The following COL21A1 variants were observed in gnomAD, a reference collection of about 807,000 sequenced individuals.
COL21A1 encodes the protein collagen type XXI alpha 1 chain, also known as collagen alpha-1(XXI) chain.
Under a neutral mutation model 137.9 loss-of-function variants are expected in COL21A1, and 149 were observed. The ratio of observed to expected loss-of-function variants is 1.08; its 90% CI spans 0.95 to 1.24. COL21A1 has a LOEUF of 1.24. Ranked by LOEUF, COL21A1 falls within the 50% of genes most tolerant of loss-of-function variation. The probability of loss-of-function intolerance (pLI) is 0.00; values close to 1 mark genes in which losing one functional copy is unlikely to be tolerated. For missense variants in COL21A1, 1,167 were observed against 1,158.4 expected (o/e 1.01, Z -0.11); for synonymous variants, 456 against 391.5 (o/e 1.16, Z -1.95).
At position 56,072,927 on chromosome 6, in the gene COL21A1, A is replaced by G. The variant is rs1766881994; in HGVS notation, c.1965+1305T>C. Among the ~76,000 whole-genome samples the G allele has an allele frequency of 2.0e-5, 3 of 151,568 alleles. No individual in the cohort carries two copies. In the South Asian group the frequency reaches 6.2e-4, roughly 31 times the overall value. On this transcript the variant is annotated intron_variant, in intron 20 of 29. Transcript: ENST00000244728. ...GATGCAGAAAACCAACTTTAGAGTA[A>G]TTCATGTAAAAATAAACAAACTGTG... is the stretch of plus-strand genomic sequence containing the variant.
At chr6:56,100,523 G>A (rs1484452106) in intron 17 of COL21A1, among the ~76,000 whole-genome samples, 1 of 152,092 alleles carries the variant, frequency 6.6e-6, no homozygotes, top group South Asian at 2.1e-4. Flanking sequence ...AAATGTAGCA[G>A]TAGTCATCTC....
Position 56,060,031 on chromosome 6 carries a change from G to C in COL21A1, c.2595C>G (p.Val865=). 1 of 1,595,524 alleles carries C rather than the reference G, an allele frequency of 6.3e-7. No homozygotes were observed. The highest frequency in any genetic ancestry group is 1.1e-5 in the South Asian group (1 of 87,324). The change falls in exon 28 of 30, where the codon GTC becomes GTG. Residue 865 remains valine (V), a synonymous_variant. Transcript: ENST00000244728. ...GLVGVPGRPG[V]RGLKGLPGRN... ...CTAACTGCATACCTTTTAATCCTCT[G>C]ACACCTGGACGTCCAGGGACACCCA...
At chr6:56,104,713 C>A (rs1371442394) in intron 16 of COL21A1, among the ~76,000 whole-genome samples, 2 of 152,110 alleles carry the variant, frequency 1.3e-5, no homozygotes, top group African/African-American at 2.4e-5. Flanking sequence ...ATTTCTCAAT[C>A]TAATTTCTAC....
intron 1 of COL21A1, among the ~76,000 whole-genome samples, chr6:56,328,342 C>A (rs1765145064): frequency 6.6e-6 from 1 of 152,048 alleles, no homozygotes; most frequent in Non-Finnish European, 1.5e-5. Context: ...CAACGCAGAA[C>A]AGCTTTCCCA....
At chr6:56,217,898 T>G (rs915898907) in intron 1 of COL21A1, among the ~76,000 whole-genome samples, 3 of 152,074 alleles carry the variant, frequency 2.0e-5, no homozygotes, top group Admixed American at 2.0e-4. Context: ...TCCTCCTGAT[T>G]GCTTAAGCAC....
At chr6:56,389,818 T>G (rs986600520) in intron 1 of COL21A1, among the ~76,000 whole-genome samples, 1 of 152,178 alleles carries the variant, frequency 6.6e-6, no homozygotes, top group African/African-American at 2.4e-5. Flanking sequence ...CAACCTATAA[T>G]ATTATATCAG....
intron 1 of COL21A1, among the ~76,000 whole-genome samples, chr6:56,266,751 A>C (rs7748223): frequency 0.025 from 3,761 of 152,036 alleles, 172 homozygotes; most frequent in African/African-American, 0.086. Context: ...GAGATGAATA[A>C]AGGATATTAA....
chr6:56,307,444 C>T (rs993964637), intron 1 of COL21A1, among the ~76,000 whole-genome samples: 6 of 152,186 alleles, frequency 3.9e-5, no homozygotes, highest in Non-Finnish European at 7.3e-5. Context: ...CCCCCAGCCT[C>T]GCTGCCGCCT....
At chr6:56,213,316 C>T (rs1413804399) in intron 1 of COL21A1, among the ~76,000 whole-genome samples, 1 of 152,002 alleles carries the variant, frequency 6.6e-6, no homozygotes, top group Non-Finnish European at 1.5e-5. Context: ...TTACATTATC[C>T]ATGATTACCC....
chr6:56,381,047 G>A (rs1365107684), intron 1 of COL21A1, among the ~76,000 whole-genome samples: 1 of 152,162 alleles, frequency 6.6e-6, no homozygotes, highest in South Asian at 2.1e-4. Flanking sequence ...AGGAGCAATA[G>A]TTCAGCAGTC....
At chr6:56,100,285 C>T (rs1325661832) in intron 17 of COL21A1, among the ~76,000 whole-genome samples, 8 of 152,086 alleles carry the variant, frequency 5.3e-5, no homozygotes, top group South Asian at 2.1e-4. Flanking sequence ...TGGCACAAAC[C>T]CTTGGTAAAA....
Position 56,060,961 on chromosome 6 carries a change from C to T in COL21A1, c.2282G>A (p.Gly761Glu). 6.2e-7 allele frequency: 1 copy of T among 1,607,902 alleles called. No individual in the cohort carries two copies. The highest frequency in any genetic ancestry group is 8.5e-7 in the Non-Finnish European group (1 of 1,177,578). Residue 761 changes from glycine to glutamate, a missense_variant, in exon 26 of 30, where the codon GGG (glycine) becomes GAG (glutamate). Transcript: ENST00000244728. ...AGGTTGCCCCTTAGGACCTGCGGGC[C>T]CCATCAAGCCATCCACCCCAGATTC... ...KGESGVDGLM[G>E]PAGPKGQPGD...
At position 56,141,796 on chromosome 6, in the gene COL21A1, C is replaced by T; in HGVS notation, c.1531G>A (p.Asp511Asn). Residue 511 changes from aspartate to asparagine, a missense_variant, in exon 12 of 30, where the codon GAT becomes AAT. Physicochemically the swap from Asp to Asn is conservative, Grantham distance 23. Transcript: ENST00000244728. ...LPGYKGEPGR[D>N]GDKGDRGLPG... ...TTGTGTGTGTTTACCTTGTCACCATCTCGCCCTGGTTCTCCTTTGTAACCT... is the reference window on the plus strand; with the variant it reads ...TTGTGTGTGTTTACCTTGTCACCATTTCGCCCTGGTTCTCCTTTGTAACCT... The T allele has an allele frequency of 6.2e-7, 1 of 1,613,702 alleles. No homozygotes were observed.
chr6:56,179,933 A>T lies in COL21A1; in HGVS notation c.285T>A (p.Asp95Glu). Residue 95 changes from aspartate (D) to glutamate (E), a missense_variant, in exon 3 of 30, where the codon GAT becomes GAA. Coordinates refer to ENST00000244728, the MANE Select transcript of COL21A1 (RefSeq NM_030820.4). ...PVLEIPLGSY[D>E]SGEHLTAAVE... is the part of the protein sequence containing the mutation. Reference sequence around the variant, plus strand: ...CTGCTGCCGTCAAATGTTCTCCTGAATCATAGCTTCCGAGAGGAATCTCCA... The same window carrying T: ...CTGCTGCCGTCAAATGTTCTCCTGATTCATAGCTTCCGAGAGGAATCTCCA... The T allele has an allele frequency of 6.2e-7, 1 of 1,613,896 alleles. No homozygotes were observed. The highest frequency in any genetic ancestry group is 8.5e-7 in the Non-Finnish European group (1 of 1,179,858).
intron 16 of COL21A1, among the ~76,000 whole-genome samples, chr6:56,111,321 C>T (rs1771414017): frequency 6.6e-6 from 1 of 151,998 alleles, no homozygotes; most frequent in Admixed American, 6.6e-5. Flanking sequence ...AATAGGAAGG[C>T]ATGACAAATA....
At chr6:56,270,305 A>G (rs1220000564) in intron 1 of COL21A1, among the ~76,000 whole-genome samples, 2 of 152,250 alleles carry the variant, frequency 1.3e-5, no homozygotes, top group East Asian at 1.9e-4. Context: ...ACTGACAACA[A>G]TTAATAAGGA....
In COL21A1 at chr6:56,170,785, A is replaced by C. The variant is rs1406381551; in HGVS notation, c.890T>G (p.Leu297Ter). Residue 297 changes from leucine to a stop codon, truncating the protein, a stop_gained, in exon 5 of 30, where the codon TTA (leucine) becomes TGA (stop). Transcript: ENST00000244728. LOFTEE classifies it high-confidence loss of function. ...QRFKVKKIWD[L>*]WRILTIDGRP... is the part of the protein sequence containing the mutation. ...TCCATCAATAGTTAATATTCTCCATAAATCCCAAATTTTCTTGACTTTAAA... is the reference window on the plus strand; with the variant it reads ...TCCATCAATAGTTAATATTCTCCATCAATCCCAAATTTTCTTGACTTTAAA... 2.5e-6 allele frequency: 4 copies of C among 1,609,232 alleles called. No homozygotes were observed. Among genetic ancestry groups the C allele is most frequent in the Non-Finnish European group, 3.4e-6 (4 of 1,176,968 alleles).
At chr6:56,149,840 C>A (rs907439554) in intron 10 of COL21A1, among the ~76,000 whole-genome samples, 10 of 152,196 alleles carry the variant, frequency 6.6e-5, no homozygotes, top group African/African-American at 2.4e-4. Context: ...CTCCTGACTT[C>A]TCCTTCTGTG....
chr6:56,193,770 T>G (rs4989962), intron 1 of COL21A1, among the ~76,000 whole-genome samples: 84,480 of 149,988 alleles, frequency 0.56, 23,878 homozygotes, highest in East Asian at 0.77. Flanking sequence ...GTTTTTTTTT[T>G]TTTTTGAGAA....
Sources: gnomAD v4.1 joint callset for allele counts (sites outside exome capture counted in the v4.1 genomes callset) on GRCh38, gnomAD v4.1.1 for gene constraint, MANE v1.5 for transcripts, NCBI Gene and HGNC (gene_info 2026-07-23, HGNC 2026-07-21) for gene names.